LYPD6B: variants seen among roughly 807,000 people sequenced by gnomAD.
LYPD6B encodes the protein ly6/PLAUR domain-containing protein 6B.
In LYPD6B, 17 loss-of-function variants were observed where a neutral mutation model predicts 22.8. The observed-to-expected ratio is 0.75, with a 90% CI of 0.51 to 1.12. The LOEUF (loss-of-function observed/expected upper bound fraction) is 1.12, where lower values mean the gene tolerates loss of function less well. Ranked by LOEUF, LYPD6B falls within the 50% of genes most tolerant of loss-of-function variation. The pLI, the probability that LYPD6B is intolerant of heterozygous loss-of-function variation, is 0.00. For missense variants in LYPD6B, 221 were observed against 258.3 expected, an observed-to-expected ratio of 0.86 and a Z score of 0.99; for synonymous variants, 106 against 91.6, an observed-to-expected ratio of 1.16 and a Z score of -0.90.
chr2:149,100,269 G>T lies in LYPD6B; in HGVS notation c.-66-30614G>T, dbSNP rs145572794. 2.3e-3 allele frequency among the ~76,000 whole-genome samples: 356 copies of T among 152,074 alleles called. 1 individual carries two copies. The highest frequency in any genetic ancestry group is 4.4e-3 in the Non-Finnish European group (296 of 67,988). The stretch of plus-strand genomic sequence containing the variant: ...CAAAGCAGTCACTCCTCATCACTTG[G>T]CATTGGCTCATGAACTGATGCCGGT... On this transcript the variant is annotated intron_variant, in intron 1 of 6. Transcript: ENST00000409642.
At chr2:149,053,938 T>C (rs1042719490) in intron 1 of LYPD6B, among the ~76,000 whole-genome samples, 1 of 135,470 alleles carries the variant, frequency 7.4e-6, no homozygotes, top group African/African-American at 2.5e-5. Context: ...CAGTACTTCA[T>C]TCTTTTGATG....
At chr2:149,083,732 T>C (rs1685245487) in intron 1 of LYPD6B, among the ~76,000 whole-genome samples, 1 of 152,144 alleles carries the variant, frequency 6.6e-6, no homozygotes, top group Non-Finnish European at 1.5e-5. Flanking sequence ...TGTGCTGCTG[T>C]CTCAATATTA....
At chr2:149,124,342 T>C (rs549252571) in intron 1 of LYPD6B, among the ~76,000 whole-genome samples, 3 of 152,322 alleles carry the variant, frequency 2.0e-5, no homozygotes. Flanking sequence ...TCTTTGCATA[T>C]AGCAGATAAT....
At position 149,160,768 on chromosome 2, in the gene LYPD6B, A is replaced by G. The variant is rs1051426690; in HGVS notation, c.10A>G (p.Ile4Val). The change falls in exon 3 of 7, where the codon ATT (isoleucine) becomes GTT (valine). Residue 4 changes from isoleucine to valine, a missense_variant. Physicochemically the swap from Ile to Val is conservative, Grantham distance 29. Transcript: ENST00000409642. MLL[I>V]TLSANLFTVP... The stretch of plus-strand genomic sequence containing the variant: ...ATCTTTTTTTATCTCTGGTAGGCTG[A>G]TTACTCTGAGTGCAAACCTTTTCAC... 3.9e-6 allele frequency: 6 copies of G among 1,554,038 alleles called. No individual in the cohort carries two copies. The highest frequency in any genetic ancestry group is 5.2e-6 in the Non-Finnish European group (6 of 1,147,354).
chr2:149,043,836 T>C (rs552482838), intron 1 of LYPD6B, among the ~76,000 whole-genome samples: 2 of 152,234 alleles, frequency 1.3e-5, no homozygotes, highest in South Asian at 2.1e-4. Context: ...AGGTATTTTC[T>C]TTTTGGTATG....
intron 1 of LYPD6B, among the ~76,000 whole-genome samples, chr2:149,084,680 A>T (rs1266402631): frequency 6.6e-6 from 1 of 152,226 alleles, no homozygotes; most frequent in African/African-American, 2.4e-5. Context: ...ATTTTTAAAA[A>T]ACATGAGTTC....
rs146527728 is a variant in LYPD6B at position 149,127,393 on chromosome 2, C to G, written c.-66-3490C>G. Among the ~76,000 whole-genome samples, 1,129 of 152,254 alleles carry G rather than the reference C, an allele frequency of 7.4e-3. 18 individuals are homozygous for G. Among genetic ancestry groups the G allele is most frequent in the African/African-American group, 0.026 (1,082 of 41,544 alleles). ...CCTGGAACTTGGGATCAGGACTGAT[C>G]TGGGACTGCATTAGTAACCTTTAAG... On this transcript the variant is annotated intron_variant, in intron 1 of 6. Coordinates refer to ENST00000409642, the MANE Select transcript of LYPD6B (RefSeq NM_177964.5).
At chr2:149,149,632 A>G (rs2105818534) in intron 2 of LYPD6B, among the ~76,000 whole-genome samples, 1 of 152,344 alleles carries the variant, frequency 6.6e-6, no homozygotes, top group Non-Finnish European at 1.5e-5. Context: ...AGAATGTATC[A>G]CATGCACCAT....
At chr2:149,047,344 T>G (rs1292633741) in intron 1 of LYPD6B, among the ~76,000 whole-genome samples, 3 of 152,100 alleles carry the variant, frequency 2.0e-5, no homozygotes, top group African/African-American at 7.2e-5. Context: ...TTACGCTTGA[T>G]CTTAGCTAAA....
intron 3 of LYPD6B, among the ~76,000 whole-genome samples, chr2:149,199,222 G>A (rs141603831): frequency 1.7e-3 from 259 of 152,270 alleles, no homozygotes; most frequent in African/African-American, 5.8e-3. Context: ...GAAGTTTCCT[G>A]TGTGACTCTA....
At chr2:149,114,903 C>T (rs181938992) in intron 1 of LYPD6B, among the ~76,000 whole-genome samples, 164 of 152,240 alleles carry the variant, frequency 1.1e-3, no homozygotes, top group African/African-American at 3.8e-3. Context: ...AAAGAAAGCT[C>T]ATAAAGCTGG....
intron 5 of LYPD6B, among the ~76,000 whole-genome samples, chr2:149,209,257 A>T (rs1478984479): frequency 6.6e-6 from 1 of 152,086 alleles, no homozygotes; most frequent in Non-Finnish European, 1.5e-5. Context: ...TGCTGTGTGG[A>T]GAATGGAGGG....
At chr2:149,197,786 T>G (rs1008769025) in intron 3 of LYPD6B, among the ~76,000 whole-genome samples, 2 of 152,188 alleles carry the variant, frequency 1.3e-5, no homozygotes, top group African/African-American at 4.8e-5. Flanking sequence ...TATCCTCTCA[T>G]CCAGTATGGG....
chr2:149,084,433 T>C (rs1685294652), intron 1 of LYPD6B, among the ~76,000 whole-genome samples: 2 of 152,190 alleles, frequency 1.3e-5, no homozygotes, highest in Non-Finnish European at 2.9e-5. Context: ...TTTGACACTC[T>C]ACTTGTCCTT....
intron 1 of LYPD6B, among the ~76,000 whole-genome samples, chr2:149,069,363 G>A (rs929218068): frequency 6.6e-6 from 1 of 152,128 alleles, no homozygotes; most frequent in African/African-American, 2.4e-5. Context: ...GACATAGACT[G>A]TGTATACCTA....
intron 1 of LYPD6B, among the ~76,000 whole-genome samples, chr2:149,100,425 A>G (rs775547082): frequency 0.013 from 1,928 of 150,666 alleles, 19 homozygotes; most frequent in Non-Finnish European, 0.021. Context: ...ACAAAAAAAA[A>G]AAAAAAAAAA....
intron 2 of LYPD6B, among the ~76,000 whole-genome samples, chr2:149,136,228 C>T (rs558338098): frequency 1.4e-4 from 22 of 152,272 alleles, no homozygotes; most frequent in African/African-American, 5.1e-4. Flanking sequence ...CTAAACAGAG[C>T]ATTACTTCAG....
chr2:149,112,375 C>A (rs1300227481), intron 1 of LYPD6B, among the ~76,000 whole-genome samples: 1 of 152,040 alleles, frequency 6.6e-6, no homozygotes, highest in Non-Finnish European at 1.5e-5. Flanking sequence ...GCAATCCTCA[C>A]AAGGTTTAAT....
intron 2 of LYPD6B, among the ~76,000 whole-genome samples, chr2:149,158,943 T>C (rs141370095): frequency 4.4e-3 from 674 of 152,338 alleles, no homozygotes; most frequent in Non-Finnish European, 6.7e-3. Context: ...CAACTTTTTA[T>C]TGGAAGAAAT....
Sources: gnomAD v4.1 joint callset for allele counts (sites outside exome capture counted in the v4.1 genomes callset) on GRCh38, gnomAD v4.1.1 for gene constraint, MANE v1.5 for transcripts, NCBI Gene and HGNC (gene_info 2026-07-23, HGNC 2026-07-21) for gene names.